ARHGEF18: variants seen among roughly 807,000 people sequenced by gnomAD.
ARHGEF18 encodes Rho/Rac guanine nucleotide exchange factor 18.
A neutral mutation model predicts 155.7 loss-of-function variants in ARHGEF18; 93 were observed. The ratio of observed to expected loss-of-function variants is 0.60; its 90% confidence interval spans 0.50 to 0.71. ARHGEF18 has a LOEUF of 0.71. Ranked by LOEUF, ARHGEF18 falls within the 30% of genes least tolerant of loss-of-function variation. ARHGEF18 has a pLI of 0.00. For missense variants in ARHGEF18, 1,593 were observed against 1,816.1 expected (o/e 0.88, Z 2.23); for synonymous variants, 742 against 753.1 (o/e 0.99, Z 0.24).
In ARHGEF18 at chr19:7,375,837, T is replaced by TG. The variant is rs1345033613; in HGVS notation, c.398dup (p.Gly134ArgfsTer12). ...AGACCTGGACTCAAGGGTGTCTCTC[T>TG]GGGGGCGGGACCCCCGCAGAGAGCC... On this transcript the variant is annotated frameshift_variant, in exon 4 of 29. Transcript: ENST00000668164. LOFTEE classifies it high-confidence loss of function. 1 of 1,234,362 alleles carries TG rather than the reference T, an allele frequency of 8.1e-7. No homozygotes were observed. Among genetic ancestry groups the TG allele is most frequent in the African/African-American group, 1.6e-5 (1 of 64,506 alleles). The allele number at this position is 1,234,362 out of a possible 1,614,324, so 76.5% of individuals were successfully genotyped here.
rs59050162 is a variant in ARHGEF18, at chr19:7,447,179, T to A, written c.1737+11T>A. ...CAAAACTTGATCAAGGTAAAAACAA[T>A]TTTTTTTTTTAATCAAAAACTTATA... is the stretch of plus-strand genomic sequence containing the variant. On this transcript the variant is annotated intron_variant, in intron 15 of 28. Coordinates refer to ENST00000668164, the MANE Select transcript of ARHGEF18 (RefSeq NM_001367823.1). The A allele has an allele frequency of 0.26, 354,418 of 1,370,294 alleles. 37,956 individuals carry two copies. The highest frequency in any genetic ancestry group is 0.28 in the Middle Eastern group (1,473 of 5,226). The allele number at this position is 1,370,294 out of a possible 1,614,324, so 84.9% of individuals were successfully genotyped here.
At chr19:7,479,752 A>G in the ARHGEF18 span, among the ~76,000 whole-genome samples, 1 of 152,218 alleles carries the variant, frequency 6.6e-6, no homozygotes, top group African/African-American at 2.4e-5. Flanking sequence ...AAGGGGGGAC[A>G]CGTGTCAGTG....
intron 17 of ARHGEF18, among the ~76,000 whole-genome samples, chr19:7,455,210 T>C (rs1279417476): frequency 2.0e-5 from 3 of 152,016 alleles, no homozygotes; most frequent in African/African-American, 7.2e-5. Context: ...AGGCGCCGAG[T>C]TGGATGGTAG....
At chr19:7,469,463 C>T (rs775608943) in intron 27 of ARHGEF18, among the ~76,000 whole-genome samples, 9 of 152,200 alleles carry the variant, frequency 5.9e-5, no homozygotes, top group Non-Finnish European at 1.3e-4. Context: ...CAGGTGCAGG[C>T]GCCTCTGCTC....
In ARHGEF18 at chr19:7,440,098, CG is replaced by C. The variant is rs1974531675; in HGVS notation, c.968-245del. The stretch of plus-strand genomic sequence containing the variant: ...GCGCCGGGTCCCGGAGCCCCGGGCG[CG>C]AACATGGGGAATGCGCACTCCAAAA... On this transcript the variant is annotated intron_variant, in intron 10 of 28. Coordinates refer to ENST00000668164, the MANE Select transcript of ARHGEF18 (RefSeq NM_001367823.1). This position sits in a 1 kb window ranked among gnomAD's most constrained non-coding sequence, Gnocchi z 5.4. The C allele has an allele frequency of 6.4e-7, 1 of 1,550,390 alleles. No homozygotes were observed. The highest frequency in any genetic ancestry group is 8.7e-7 in the Non-Finnish European group (1 of 1,146,536).
chr19:7,393,457 C>T lies in ARHGEF18; in HGVS notation c.967+10254C>T, dbSNP rs1217472961. On this transcript the variant is annotated intron_variant, in intron 10 of 28. Transcript: ENST00000668164. ...CTCCTGGACTCAAGTGATCCTCCCT[C>T]CTCAGACTCCCAAAGTGTTAGGATT... Among the ~76,000 whole-genome samples the T allele has an allele frequency of 4.6e-5, 7 of 152,304 alleles. No homozygotes were observed. In the South Asian group the frequency reaches 1.2e-3, roughly 27 times the overall value.
Position 7,453,694 on chromosome 19 carries a change from A to C in ARHGEF18, c.2083A>C (p.Thr695Pro). 1 of 1,583,002 alleles carries C rather than the reference A, an allele frequency of 6.3e-7. No homozygotes were observed. Among genetic ancestry groups the C allele is most frequent in the Non-Finnish European group, 8.6e-7 (1 of 1,161,912 alleles). Reference protein sequence around the residue: ...LHLEGMLCWKTTSGRLKDILA... With the variant: ...LHLEGMLCWKPTSGRLKDILA... ...CCTGGAGGGCATGCTATGCTGGAAG[A>C]CCACATCAGGGCGCTTGAAAGGTAA... Residue 695 changes from threonine to proline, a missense_variant, in exon 17 of 29, where the codon ACC becomes CCC. By Grantham distance (38) the Thr-to-Pro change is conservative. Coordinates refer to ENST00000668164, the MANE Select transcript of ARHGEF18 (RefSeq NM_001367823.1).
Position 7,372,814 on chromosome 19 carries a change from G to C in ARHGEF18, c.18G>C (p.Glu6Asp). The C allele has an allele frequency of 1.6e-6, 2 of 1,234,526 alleles. No homozygotes were observed. Among genetic ancestry groups the C allele is most frequent in the Non-Finnish European group, 1.0e-6 (1 of 988,292 alleles). The allele number at this position is 1,234,526 out of a possible 1,614,324, so 76.5% of individuals were successfully genotyped here. The change falls in exon 3 of 29, where the codon GAG (glutamate) becomes GAC (aspartate). Residue 6 changes from glutamate to aspartate, a missense_variant and splice_region_variant. Glu to Asp is a conservative substitution (Grantham distance 45). Transcript: ENST00000668164. MGDDQ[E>D]DDFPRRLSES... ...CTCCTCACCTTCCCAACCTACAGGA[G>C]GATGATTTTCCCAGGCGGCTCAGCG...
chr19:7,429,148 C>T (rs1973822495), intron 10 of ARHGEF18, among the ~76,000 whole-genome samples: 1 of 144,892 alleles, frequency 6.9e-6, no homozygotes. Context: ...TATGGCATGT[C>T]AGCGTAGTTG....
chr19:7,419,023 GTACCCCAGATGTACCCA>G (rs1300307191), intron 10 of ARHGEF18, among the ~76,000 whole-genome samples: 2 of 144,144 alleles, frequency 1.4e-5, no homozygotes, highest in African/African-American at 5.4e-5. Flanking sequence ...CTCGGCCTCT[GTACCCCAGATGTACCCA>G]CACTCGGCCT....
intron 1 of ARHGEF18, among the ~76,000 whole-genome samples, chr19:7,362,018 AGAAGGAGAAGGAGAAGGAGAAGG>A (rs1969585678): frequency 5.1e-5 from 2 of 39,382 alleles, no homozygotes; most frequent in East Asian, 8.1e-4. Context: ...AAGAAGAAGG[AGAAGGAGAAGGAGAAGGAGAAGG>A]AGAAGGAGAA....
At chr19:7,423,018 T>A (rs1297976434) in intron 10 of ARHGEF18, among the ~76,000 whole-genome samples, 2 of 152,104 alleles carry the variant, frequency 1.3e-5, no homozygotes, top group Non-Finnish European at 2.9e-5. Flanking sequence ...CCCACCAGGC[T>A]GTTTTAACTT....
In ARHGEF18 at chr19:7,440,205, G is replaced by A. The variant is rs956378485; in HGVS notation, c.968-139G>A. 28 of 1,551,520 alleles carry A rather than the reference G, an allele frequency of 1.8e-5. No individual in the cohort carries two copies. Among genetic ancestry groups the A allele is most frequent in the Non-Finnish European group, 2.0e-5 (23 of 1,147,008 alleles). ...TTTCCCCAGGAAATGGAGCGAGAAC[G>A]TCTTCTTGGATAACGAGCTGCTGAC... On this transcript the variant is annotated intron_variant, in intron 10 of 28. Transcript: ENST00000668164. This position sits in a 1 kb window ranked among gnomAD's most constrained non-coding sequence, Gnocchi z 5.4.
At chr19:7,362,469 G>A (rs1004542203) in intron 1 of ARHGEF18, among the ~76,000 whole-genome samples, 1 of 152,140 alleles carries the variant, frequency 6.6e-6, no homozygotes, top group Admixed American at 6.6e-5. Flanking sequence ...TCATACATAA[G>A]CCAACTTGGA....
At chr19:7,433,532 A>AAAT (rs1568329945) in intron 10 of ARHGEF18, among the ~76,000 whole-genome samples, 1 of 138,088 alleles carries the variant, frequency 7.2e-6, no homozygotes, top group African/African-American at 2.7e-5. Context: ...AAAAAAAAAA[A>AAAT]GTGTATCAGG....
intron 10 of ARHGEF18, among the ~76,000 whole-genome samples, chr19:7,414,087 C>T (rs894588433): frequency 4.6e-5 from 7 of 152,030 alleles, no homozygotes; most frequent in Non-Finnish European, 7.4e-5. Flanking sequence ...CATTTGGGGC[C>T]GGATCATTCT....
chr19:7,382,463 G>A (rs538280382), intron 8 of ARHGEF18, among the ~76,000 whole-genome samples: 1 of 151,322 alleles, frequency 6.6e-6, no homozygotes, highest in African/African-American at 2.4e-5. Context: ...TGGGGGTGGG[G>A]GGCGTGAATT....
chr19:7,479,914 G>A, the ARHGEF18 span, among the ~76,000 whole-genome samples: 1 of 152,254 alleles, frequency 6.6e-6, no homozygotes, highest in East Asian at 1.9e-4. Context: ...GGGGGTATAT[G>A]GGAGCTCTCT....
At chr19:7,387,132 A>G (rs895352612) in intron 10 of ARHGEF18, among the ~76,000 whole-genome samples, 3 of 151,878 alleles carry the variant, frequency 2.0e-5, no homozygotes, top group African/African-American at 7.2e-5. Flanking sequence ...GCAGTCCATC[A>G]CCTGTTTTTG....
Sources: gnomAD v4.1 joint callset for allele counts (sites outside exome capture counted in the v4.1 genomes callset) on GRCh38, gnomAD v4.1.1 for gene constraint, Gnocchi (gnomAD v3.1) non-coding constraint, MANE v1.5 for transcripts, NCBI Gene and HGNC (gene_info 2026-07-23, HGNC 2026-07-21) for gene names.